BCHE: variants seen among roughly 807,000 people sequenced by gnomAD.
BCHE encodes cholinesterase.
Under a neutral mutation model 51.3 loss-of-function variants are expected in BCHE, and 48 were observed. The observed-to-expected ratio is 0.94, with a 90% CI of 0.74 to 1.19. The LOEUF is 1.19. Among genes scored for constraint, BCHE ranks in the 50% most tolerant of loss-of-function variants. The pLI is 0.00. For missense variants in BCHE, 847 were observed against 708.2 expected, an observed-to-expected ratio of 1.20 and a Z score of -2.23; for synonymous variants, 251 against 238.0, an observed-to-expected ratio of 1.05 and a Z score of -0.50.
intron 2 of BCHE, among the ~76,000 whole-genome samples, chr3:165,820,748 C>T (rs1203149457): frequency 6.6e-6 from 1 of 151,990 alleles, no homozygotes; most frequent in Non-Finnish European, 1.5e-5. Flanking sequence ...CAAACTTAAA[C>T]TTGCCTCTAA....
chr3:165,775,867 T>C (rs1688514924), intron 3 of BCHE, among the ~76,000 whole-genome samples: 7 of 151,966 alleles, frequency 4.6e-5, no homozygotes, highest in Admixed American at 4.6e-4. Flanking sequence ...GTAAATAAAA[T>C]ATTGAGTTTG....
intron 2 of BCHE, among the ~76,000 whole-genome samples, chr3:165,792,162 G>T (rs1293872078): frequency 1.3e-5 from 2 of 151,830 alleles, no homozygotes; most frequent in Non-Finnish European, 2.9e-5. Flanking sequence ...ACCTTGCCTA[G>T]AATGTGACAC....
chr3:165,790,446 A>G (rs1306379649), intron 2 of BCHE, among the ~76,000 whole-genome samples: 1 of 152,138 alleles, frequency 6.6e-6, no homozygotes, highest in Non-Finnish European at 1.5e-5. Flanking sequence ...AGCTGGTTCT[A>G]ATTTGTAACT....
At chr3:165,834,639 A>T (rs1229464213) in intron 1 of BCHE, among the ~76,000 whole-genome samples, 2 of 151,944 alleles carry the variant, frequency 1.3e-5, no homozygotes, top group Non-Finnish European at 2.9e-5. Flanking sequence ...TTGCCATTAA[A>T]AGACTTTAAA....
chr3:165,784,509 A>G (rs996228462), intron 3 of BCHE, among the ~76,000 whole-genome samples: 1 of 151,994 alleles, frequency 6.6e-6, no homozygotes, highest in Non-Finnish European at 1.5e-5. Flanking sequence ...GTCCTAGACC[A>G]CAGCTAGGTA....
chr3:165,785,835 A>G (rs1237124164), intron 3 of BCHE, among the ~76,000 whole-genome samples: 1 of 151,568 alleles, frequency 6.6e-6, no homozygotes, highest in Non-Finnish European at 1.5e-5. Context: ...TTAATTCCAC[A>G]AAGATTATCT....
At chr3:165,825,942 A>G (rs944486156) in intron 2 of BCHE, among the ~76,000 whole-genome samples, 3 of 152,138 alleles carry the variant, frequency 2.0e-5, no homozygotes, top group African/African-American at 4.8e-5. Context: ...CAAAAGCACA[A>G]TGAGATGTCA....
Position 165,829,617 on chromosome 3 carries a change from C to T in BCHE, c.1417G>A (p.Val473Ile). 1.2e-6 allele frequency: 2 copies of T among 1,613,740 alleles called. No homozygotes were observed. Among genetic ancestry groups the T allele is most frequent in the Non-Finnish European group, 1.7e-6 (2 of 1,179,822 alleles). The change falls in exon 2 of 4, where the codon GTC becomes ATC. Residue 473 changes from valine to isoleucine, a missense_variant. Transcript: ENST00000264381. Reference sequence around the variant, plus strand: ...CTTCTTTCCAGAGGTAAACCAAAGACAAATTCAATTTCATAGCCATGCATC... The same window carrying T: ...CTTCTTTCCAGAGGTAAACCAAAGATAAATTCAATTTCATAGCCATGCATC... ...GVMHGYEIEFVFGLPLERRDN... is the reference protein window; with the variant it reads ...GVMHGYEIEFIFGLPLERRDN...
At chr3:165,795,118 G>C (rs1713318590) in intron 2 of BCHE, among the ~76,000 whole-genome samples, 1 of 152,026 alleles carries the variant, frequency 6.6e-6, no homozygotes, top group Non-Finnish European at 1.5e-5. Context: ...TATTAAAAAA[G>C]AAACTCACAT....
chr3:165,816,901 T>C (rs553590893), intron 2 of BCHE, among the ~76,000 whole-genome samples: 32 of 152,186 alleles, frequency 2.1e-4, no homozygotes, highest in Non-Finnish European at 3.8e-4. Context: ...CTTCATACTT[T>C]TAGATACCAA....
intron 2 of BCHE, among the ~76,000 whole-genome samples, chr3:165,798,094 T>G (rs1007433701): frequency 6.6e-6 from 1 of 152,190 alleles, no homozygotes; most frequent in Admixed American, 6.6e-5. Flanking sequence ...TTTTTTTGAC[T>G]CTTGTAGACT....
At chr3:165,823,654 TC>T (rs1349491935) in intron 2 of BCHE, among the ~76,000 whole-genome samples, 1 of 152,126 alleles carries the variant, frequency 6.6e-6, no homozygotes, top group African/African-American at 2.4e-5. Context: ...TAAGGAAAAC[TC>T]CAGATCTAAG....
chr3:165,823,580 G>A (rs1714607711), intron 2 of BCHE, among the ~76,000 whole-genome samples: 1 of 151,998 alleles, frequency 6.6e-6, no homozygotes, highest in Non-Finnish European at 1.5e-5. Context: ...AATCAAGAAG[G>A]AATAGATGTC....
In BCHE at chr3:165,830,843, G is replaced by A; in HGVS notation, c.191C>T (p.Pro64Leu). The A allele has an allele frequency of 6.2e-7, 1 of 1,613,946 alleles. No homozygotes were observed. The highest frequency in any genetic ancestry group is 8.5e-7 in the Non-Finnish European group (1 of 1,179,936). ...TTTGAATCGAAGTCTACCAAGAGGTGGCTGTGCATAGGGAATTCCAAGAAA... is the reference window on the plus strand; with the variant it reads ...TTTGAATCGAAGTCTACCAAGAGGTAGCTGTGCATAGGGAATTCCAAGAAA... Reference protein sequence around the residue: ...TAFLGIPYAQPPLGRLRFKKP... With the variant: ...TAFLGIPYAQLPLGRLRFKKP... The change falls in exon 2 of 4, where the codon CCA (proline) becomes CTA (leucine). Residue 64 changes from proline to leucine, a missense_variant. Transcript: ENST00000264381.
intron 3 of BCHE, among the ~76,000 whole-genome samples, chr3:165,783,283 CAT>C (rs1417540435): frequency 6.6e-6 from 1 of 151,716 alleles, no homozygotes; most frequent in Non-Finnish European, 1.5e-5. Flanking sequence ...GGGGTAAGAA[CAT>C]AGAGTGAACT....
intron 2 of BCHE, among the ~76,000 whole-genome samples, chr3:165,808,482 T>C (rs1254319276): frequency 6.6e-6 from 1 of 152,148 alleles, no homozygotes; most frequent in African/African-American, 2.4e-5. Flanking sequence ...TGTTGATATG[T>C]TTAATTTGTA....
intron 1 of BCHE, among the ~76,000 whole-genome samples, chr3:165,835,007 A>G (rs1715140198): frequency 1.3e-5 from 2 of 151,890 alleles, no homozygotes; most frequent in South Asian, 4.1e-4. Flanking sequence ...ATAGTATTTA[A>G]TATTGGAAAT....
intron 2 of BCHE, among the ~76,000 whole-genome samples, chr3:165,789,055 TATAAC>T (rs1175366546): frequency 3.3e-5 from 5 of 152,174 alleles, no homozygotes. Context: ...ATTTCAAAAT[TATAAC>T]ATAAATTTAA....
chr3:165,809,470 C>G (rs1032507009), intron 2 of BCHE, among the ~76,000 whole-genome samples: 1 of 152,070 alleles, frequency 6.6e-6, no homozygotes, highest in South Asian at 2.1e-4. Context: ...TTATTATGCA[C>G]TAAACATTTA....
Sources: gnomAD v4.1 joint callset for allele counts (sites outside exome capture counted in the v4.1 genomes callset) on GRCh38, gnomAD v4.1.1 for gene constraint, MANE v1.5 for transcripts, NCBI Gene and HGNC (gene_info 2026-07-23, HGNC 2026-07-21) for gene names.